Variants in ALCAM observed in about 807,000 individuals in gnomAD.
ALCAM encodes activated leukocyte cell adhesion molecule.
In ALCAM, 30 loss-of-function variants were observed where a neutral mutation model predicts 70.9. The ratio of observed to expected loss-of-function variants is 0.42; its 90% confidence interval spans 0.32 to 0.57. ALCAM has a LOEUF of 0.57. Ranked by LOEUF, ALCAM falls within the 20% of genes least tolerant of loss-of-function variation. ALCAM has a pLI of 0.11. For synonymous variants in ALCAM, 249 were observed against 242.5 expected, an observed-to-expected ratio of 1.03 and a Z score of -0.25; for missense variants, 591 against 695.1, an observed-to-expected ratio of 0.85 and a Z score of 1.68.
chr3:105,474,668 C>CT (rs1396455260), intron 1 of ALCAM, among the ~76,000 whole-genome samples: 2 of 151,270 alleles, frequency 1.3e-5, no homozygotes, highest in African/African-American at 2.4e-5. Flanking sequence ...AGGGCAATCT[C>CT]TTTTTTTTAC....
intron 1 of ALCAM, among the ~76,000 whole-genome samples, chr3:105,418,504 G>T (rs1272628744): frequency 6.9e-6 from 1 of 145,946 alleles, no homozygotes; most frequent in African/African-American, 2.5e-5. Flanking sequence ...TTAAAGCAAA[G>T]AAAAAAAAAA....
At chr3:105,421,609 A>G (rs1291024673) in intron 1 of ALCAM, among the ~76,000 whole-genome samples, 1 of 151,512 alleles carries the variant, frequency 6.6e-6, no homozygotes, top group Non-Finnish European at 1.5e-5. Flanking sequence ...AATGTGGATT[A>G]AGACTTGTCA....
intron 1 of ALCAM, among the ~76,000 whole-genome samples, chr3:105,489,032 T>C (rs927945019): frequency 6.6e-6 from 1 of 152,150 alleles, no homozygotes; most frequent in Non-Finnish European, 1.5e-5. Flanking sequence ...AAAATTTTGG[T>C]TAAGAGTATG....
chr3:105,406,192 C>T (rs1479592369), intron 1 of ALCAM, among the ~76,000 whole-genome samples: 2 of 152,138 alleles, frequency 1.3e-5, no homozygotes, highest in Non-Finnish European at 2.9e-5. Flanking sequence ...GGTCCAGATA[C>T]TGGGGTAATT....
At position 105,552,170 on chromosome 3, in the gene ALCAM, G is replaced by T; in HGVS notation, c.1534G>T (p.Asp512Tyr). The part of the protein sequence containing the change: ...AISIPEHDEA[D>Y]EISDENREKV... ...AAGTATTCCAGAACACGATGAGGCA[G>T]ACGAGATAAGTGGTAGGTACTATGC... Residue 512 changes from aspartate (D) to tyrosine (Y), a missense_variant, in exon 13 of 16, where the codon GAC (aspartate) becomes TAC (tyrosine). Physicochemically the swap from Asp to Tyr is radical, Grantham distance 160 (BLOSUM62 -3). Coordinates refer to ENST00000306107, the MANE Select transcript of ALCAM (RefSeq NM_001627.4). 6.2e-7 allele frequency: 1 copy of T among 1,602,222 alleles called. No homozygotes were observed. The highest frequency in any genetic ancestry group is 1.1e-5 in the South Asian group (1 of 88,822).
intron 1 of ALCAM, among the ~76,000 whole-genome samples, chr3:105,509,394 T>A (rs899650122): frequency 3.9e-4 from 60 of 152,096 alleles, no homozygotes; most frequent in African/African-American, 1.3e-3. Flanking sequence ...GTTTTTTCAA[T>A]AAGAACCATC....
At chr3:105,563,599 G>T (rs1354993413) in intron 14 of ALCAM, among the ~76,000 whole-genome samples, 3 of 147,086 alleles carry the variant, frequency 2.0e-5, no homozygotes, top group African/African-American at 7.5e-5. Context: ...TATTCATTCA[G>T]TGAATGTTTC....
At chr3:105,470,554 G>A (rs1937897777) in intron 1 of ALCAM, among the ~76,000 whole-genome samples, 1 of 151,126 alleles carries the variant, frequency 6.6e-6, no homozygotes, top group Admixed American at 6.6e-5. Flanking sequence ...TTGGTATAAA[G>A]TTATTATAAG....
intron 1 of ALCAM, among the ~76,000 whole-genome samples, chr3:105,511,776 C>T: frequency 6.6e-6 from 1 of 151,982 alleles, no homozygotes; most frequent in Non-Finnish European, 1.5e-5. Flanking sequence ...CTGATATAAA[C>T]ATTTTTCAGT....
intron 1 of ALCAM, 33 bp downstream of exon 1, chr3:105,367,514 A>G: frequency 1.9e-6 from 3 of 1,612,422 alleles, no homozygotes; most frequent in Non-Finnish European, 2.5e-6. Flanking sequence ...CCCCAGACAG[A>G]CGTGGGCCTG....
chr3:105,408,868 C>T (rs1936315324), intron 1 of ALCAM, among the ~76,000 whole-genome samples: 4 of 151,766 alleles, frequency 2.6e-5, no homozygotes, highest in Admixed American at 2.0e-4. Context: ...AAAAACAATT[C>T]CATCAAAAAG....
chr3:105,564,750 C>T (rs1487434980), intron 14 of ALCAM, among the ~76,000 whole-genome samples: 1 of 152,150 alleles, frequency 6.6e-6, no homozygotes, highest in Non-Finnish European at 1.5e-5. Context: ...GTAGTCCTAG[C>T]TACACAAGGA....
chr3:105,396,756 A>G (rs1420297929), intron 1 of ALCAM, among the ~76,000 whole-genome samples: 1 of 152,040 alleles, frequency 6.6e-6, no homozygotes, highest in Non-Finnish European at 1.5e-5. Flanking sequence ...TTTAGGAAAA[A>G]GTGATTGCCC....
chr3:105,411,874 T>A (rs764164846), intron 1 of ALCAM, among the ~76,000 whole-genome samples: 9 of 152,090 alleles, frequency 5.9e-5, no homozygotes, highest in Non-Finnish European at 1.0e-4. Flanking sequence ...AGAAAAGAAG[T>A]ATAACCTAAA....
At chr3:105,534,432 A>G (rs1411339526) in intron 5 of ALCAM, among the ~76,000 whole-genome samples, 1 of 152,150 alleles carries the variant, frequency 6.6e-6, no homozygotes, top group South Asian at 2.1e-4. Context: ...TGTATATGGC[A>G]TGATCTAGAA....
In ALCAM at chr3:105,524,271, T is replaced by G. The variant is rs1939633112; in HGVS notation, c.175-18T>G. On this transcript the variant is annotated intron_variant, in intron 2 of 15. Coordinates refer to ENST00000306107, the MANE Select transcript of ALCAM (RefSeq NM_001627.4). ...TGAATATGCTTGTGTTTAAATGTAT[T>G]ATTATTTTAATTTTTAGGAAAAGCC... 6.3e-7 allele frequency: 1 copy of G among 1,586,862 alleles called. No homozygotes were observed. The highest frequency in any genetic ancestry group is 1.4e-5 in the African/African-American group (1 of 73,266).
In ALCAM at chr3:105,524,320, C is replaced by T. The variant is rs1442317195; in HGVS notation, c.206C>T (p.Ala69Val). ...EKPDGSPVFIAFRSSTKKSVQ... is the reference protein window; with the variant it reads ...EKPDGSPVFIVFRSSTKKSVQ... ...CCCGATGGCTCCCCAGTATTTATTG[C>T]CTTCAGATCCTCTACAAAGAAAAGT... is the stretch of plus-strand genomic sequence containing the variant. The change falls in exon 3 of 16, where the codon GCC (alanine) becomes GTC (valine). Residue 69 changes from alanine (A) to valine (V), a missense_variant. Physicochemically the swap from Ala to Val is moderately conservative, Grantham distance 64 (BLOSUM62 0). Around this residue, in one of 2 missense-constraint regions of ALCAM, gnomAD observed 427 missense variants for 450.4 expected, o/e 0.95. Coordinates refer to ENST00000306107, the MANE Select transcript of ALCAM (RefSeq NM_001627.4). The T allele has an allele frequency of 1.2e-6, 2 of 1,613,642 alleles. No homozygotes were observed. Among genetic ancestry groups the T allele is most frequent in the Admixed American group, 1.7e-5 (1 of 59,974 alleles).
At chr3:105,564,265 G>T (rs1179434816) in intron 14 of ALCAM, among the ~76,000 whole-genome samples, 1 of 152,140 alleles carries the variant, frequency 6.6e-6, no homozygotes, top group Non-Finnish European at 1.5e-5. Flanking sequence ...AATGTAAGAA[G>T]GTAACAAGCA....
intron 1 of ALCAM, among the ~76,000 whole-genome samples, chr3:105,402,142 C>T (rs977444543): frequency 6.6e-6 from 1 of 152,168 alleles, no homozygotes; most frequent in African/African-American, 2.4e-5. Context: ...AAACAGCTTA[C>T]TCTTAGATAA....
Sources: allele counts gnomAD v4.1 joint callset (sites outside exome capture counted in the v4.1 genomes callset), GRCh38; gene constraint gnomAD v4.1.1; regional missense constraint gnomAD v4.1.1; transcripts MANE v1.5; gene names NCBI Gene and HGNC (gene_info 2026-07-23, HGNC 2026-07-21).